TIMM9: variants seen among roughly 807,000 people sequenced by gnomAD.
The protein encoded by TIMM9 is mitochondrial import inner membrane translocase subunit Tim9.
A neutral mutation model predicts 13.4 loss-of-function variants in TIMM9; 10 were observed. The ratio of observed to expected loss-of-function variants is 0.75; its 90% CI spans 0.46 to 1.26. The LOEUF is 1.26. Ranked by LOEUF, TIMM9 falls within the 50% of genes most tolerant of loss-of-function variation. The pLI, the probability that TIMM9 is intolerant of heterozygous loss-of-function variation, is 0.00. For synonymous variants in TIMM9, 32 were observed against 32.1 expected, an observed-to-expected ratio of 1.00 and a Z score of 0.01; for missense variants, 87 against 100.8, an observed-to-expected ratio of 0.86 and a Z score of 0.58.
At chr14:58,415,576 C>T (rs112020046) in intron 3 of TIMM9, among the ~76,000 whole-genome samples, 1 of 152,160 alleles carries the variant, frequency 6.6e-6, no homozygotes, top group African/African-American at 2.4e-5. Flanking sequence ...AAAATAAACT[C>T]AATGAATAAA....
At chr14:58,412,271 A>G (rs1410252289) in intron 3 of TIMM9, among the ~76,000 whole-genome samples, 3 of 152,132 alleles carry the variant, frequency 2.0e-5, no homozygotes, top group Non-Finnish European at 4.4e-5. Flanking sequence ...CCTCCTGAGT[A>G]GCTAGGACTA....
Position 58,409,002 on chromosome 14 carries a change from C to T in TIMM9, c.*32G>A. On this transcript the variant is annotated 3_prime_UTR_variant, in exon 6 of 6. Coordinates refer to ENST00000395159, the MANE Select transcript of TIMM9 (RefSeq NM_012460.4). The stretch of plus-strand genomic sequence containing the variant: ...TTCCAATAAAGCAGCTGTTGGCAAT[C>T]TTTCATCAAAAGTTCATCCATCAGG... The T allele has an allele frequency of 6.3e-7, 1 of 1,592,166 alleles. No individual in the cohort carries two copies. Among genetic ancestry groups the T allele is most frequent in the Non-Finnish European group, 8.5e-7 (1 of 1,174,320 alleles).
intron 3 of TIMM9, among the ~76,000 whole-genome samples, chr14:58,422,230 C>A (rs1030428244): frequency 1.5e-4 from 23 of 152,070 alleles, no homozygotes; most frequent in Admixed American, 1.5e-3. Flanking sequence ...ATTCTCCTGC[C>A]TAAGCCTCCC....
intron 3 of TIMM9, among the ~76,000 whole-genome samples, chr14:58,413,354 T>C (rs893327138): frequency 1.3e-5 from 2 of 152,238 alleles, no homozygotes; most frequent in African/African-American, 4.8e-5. Flanking sequence ...AAAGGTTCTA[T>C]TAATAGTTAA....
At position 58,427,316 on chromosome 14, in the gene TIMM9, G is replaced by T. The variant is rs1056170168; in HGVS notation, c.-303-74C>A. On this transcript the variant is annotated intron_variant, in intron 1 of 5. Coordinates refer to ENST00000395159, the MANE Select transcript of TIMM9 (RefSeq NM_012460.4). ...ATTAACTTCGGTTATTTTCTGCTTA[G>T]ACAACGCTTTCTATTCCCGACTTCC... 9 of 346,662 alleles carry T rather than the reference G, an allele frequency of 2.6e-5. No homozygotes were observed. In the Admixed American group the frequency reaches 3.9e-4, roughly 15 times the overall value. 21.5% of individuals were successfully genotyped at this position (346,662 alleles called of 1,614,324 possible). A position where few individuals can be genotyped will look rare whatever the true frequency, so the allele number is the denominator to read the frequency against.
In TIMM9 at chr14:58,427,425, A is replaced by C; in HGVS notation, c.-337T>G. The C allele has an allele frequency of 4.9e-6, 3 of 617,166 alleles. No homozygotes were observed. The highest frequency in any genetic ancestry group is 8.3e-6 in the Non-Finnish European group (3 of 361,928). 38.2% of individuals were successfully genotyped at this position (617,166 alleles called of 1,614,324 possible). A position where few individuals can be genotyped will look rare whatever the true frequency, so the allele number is the denominator to read the frequency against. The stretch of plus-strand genomic sequence containing the variant: ...ACGTCCCTAACGGTCTTCGGAAGCG[A>C]AGCAGTGTCAACAGTCCCTGGTAAA... On this transcript the variant is annotated 5_prime_UTR_variant, in exon 1 of 6. Transcript: ENST00000395159.
In TIMM9 at chr14:58,425,957, T is replaced by C. The variant is rs938096246; in HGVS notation, c.-115+1097A>G. Among the ~76,000 whole-genome samples, 4 of 150,822 alleles carry C rather than the reference T, an allele frequency of 2.7e-5. No individual in the cohort carries two copies. In the South Asian group the frequency reaches 8.4e-4, roughly 32 times the overall value. On this transcript the variant is annotated intron_variant, in intron 2 of 5. Coordinates refer to ENST00000395159, the MANE Select transcript of TIMM9 (RefSeq NM_012460.4). ...GGTGAAACCCCGTCTCTAATAAAAA[T>C]ACAAAAAAAATTAGCTGGGCGTGGT...
At chr14:58,411,726 G>A (rs1303176481) in intron 4 of TIMM9, among the ~76,000 whole-genome samples, 181 bp downstream of exon 4, 1 of 151,856 alleles carries the variant, frequency 6.6e-6, no homozygotes, top group Non-Finnish European at 1.5e-5. Context: ...TTTAGGAGAC[G>A]GAGTTTCACC....
At chr14:58,411,582 C>T (rs1263349697) in intron 4 of TIMM9, among the ~76,000 whole-genome samples, 3 of 151,962 alleles carry the variant, frequency 2.0e-5, no homozygotes, top group African/African-American at 7.3e-5. Flanking sequence ...CTCTGTCACC[C>T]AGGCTGGAGT....
intron 3 of TIMM9, among the ~76,000 whole-genome samples, chr14:58,421,404 AAT>A (rs1422589293): frequency 6.6e-6 from 1 of 152,200 alleles, no homozygotes; most frequent in Non-Finnish European, 1.5e-5. Flanking sequence ...AGACCTTTGT[AAT>A]AGAAATATTC....
In TIMM9 at chr14:58,414,681, G is replaced by A. The variant is rs182876566; in HGVS notation, c.-26-2710C>T. Among the ~76,000 whole-genome samples the A allele has an allele frequency of 1.1e-3, 160 of 147,244 alleles. 3 individuals are homozygous for A. Among genetic ancestry groups the A allele is most frequent in the East Asian group, 7.3e-3 (37 of 5,040 alleles). ...TGACCCCTTGGGCGGAGGTTGCAGT[G>A]AGCCGAGATTGCAGCACTGTACTCC... On this transcript the variant is annotated intron_variant, in intron 3 of 5. Transcript: ENST00000395159.
intron 5 of TIMM9, 43 bp from the exon 6 acceptor site, chr14:58,409,211 T>C (rs2036128465): frequency 7.5e-6 from 12 of 1,596,344 alleles, no homozygotes; most frequent in Non-Finnish European, 8.5e-6. Context: ...CACAAAAATA[T>C]GAATTTTTTA....
rs367713113 is a variant in TIMM9, at chr14:58,419,589, A to G, written c.-27+4419T>C. On this transcript the variant is annotated intron_variant, in intron 3 of 5. Coordinates refer to ENST00000395159, the MANE Select transcript of TIMM9 (RefSeq NM_012460.4). ...AAAAGATGTGAGAACTAAGTTTCTCACCTAATACAAAAATTAACTCAAAAT... is the reference window on the plus strand; with the variant it reads ...AAAAGATGTGAGAACTAAGTTTCTCGCCTAATACAAAAATTAACTCAAAAT... 2.6e-5 allele frequency among the ~76,000 whole-genome samples: 4 copies of G among 151,730 alleles called. No homozygotes were observed. In the East Asian group the frequency reaches 7.7e-4, roughly 29 times the overall value.
chr14:58,412,126 C>T (rs530421650), intron 3 of TIMM9, 155 bp from the exon 4 acceptor site: 6 of 568,158 alleles, frequency 1.1e-5, no homozygotes, highest in African/African-American at 5.7e-5. Context: ...GACCATAGAA[C>T]CTTACAGTTG....
intron 3 of TIMM9, among the ~76,000 whole-genome samples, chr14:58,415,777 AG>A (rs2036385458): frequency 6.6e-6 from 1 of 152,198 alleles, no homozygotes; most frequent in African/African-American, 2.4e-5. Context: ...AGGGTAGGGT[AG>A]TAAAAGTAGT....
intron 3 of TIMM9, among the ~76,000 whole-genome samples, chr14:58,423,514 C>CAAAAAAA (rs398025245): frequency 1.5e-5 from 1 of 66,494 alleles, no homozygotes. Context: ...GACTTTGTCT[C>CAAAAAAA]AAAAAAAAAA....
chr14:58,421,038 T>C (rs991766036), intron 3 of TIMM9, among the ~76,000 whole-genome samples: 2 of 152,128 alleles, frequency 1.3e-5, no homozygotes, highest in Non-Finnish European at 2.9e-5. Context: ...AAATGAAAAT[T>C]TGTGTTCACA....
At chr14:58,418,587 A>T (rs2036488777) in intron 3 of TIMM9, among the ~76,000 whole-genome samples, 1 of 152,244 alleles carries the variant, frequency 6.6e-6, no homozygotes, top group Non-Finnish European at 1.5e-5. Flanking sequence ...CCTAGAATTA[A>T]TTAAGTTCAG....
In TIMM9 at chr14:58,427,147, G is replaced by A. The variant is rs1448142980; in HGVS notation, c.-208C>T. ...GGAGGGAGGGTCAGGGTCTGGACAGGAGCCGCGGCCGCCAGATGGGAAAGA... is the reference window on the plus strand; with the variant it reads ...GGAGGGAGGGTCAGGGTCTGGACAGAAGCCGCGGCCGCCAGATGGGAAAGA... On this transcript the variant is annotated 5_prime_UTR_variant, in exon 2 of 6. Coordinates refer to ENST00000395159, the MANE Select transcript of TIMM9 (RefSeq NM_012460.4). The A allele has an allele frequency of 5.8e-6, 1 of 172,470 alleles. No homozygotes were observed. The highest frequency in any genetic ancestry group is 1.3e-5 in the Non-Finnish European group (1 of 78,518). The allele number at this position is 172,470 out of a possible 1,614,324, so 10.7% of individuals were successfully genotyped here.
Sources: gnomAD v4.1 joint callset for allele counts (sites outside exome capture counted in the v4.1 genomes callset) on GRCh38, gnomAD v4.1.1 for gene constraint, MANE v1.5 for transcripts, NCBI Gene and HGNC (gene_info 2026-07-23, HGNC 2026-07-21) for gene names.